Variants in SZT2 observed in about 807,000 individuals in gnomAD.
SZT2 encodes KICSTOR complex protein SZT2.
A neutral mutation model predicts 404.2 loss-of-function variants in SZT2; 216 were observed. That is an observed-to-expected ratio of 0.53 (90% confidence interval 0.48 to 0.60). SZT2 has a LOEUF of 0.60. Among genes scored for constraint, SZT2 ranks in the 20% least tolerant of loss-of-function variants. The pLI, the probability that SZT2 is intolerant of heterozygous loss-of-function variation, is 0.00. For synonymous variants in SZT2, 1,693 were observed against 1,749.9 expected (o/e 0.97, Z 0.81); for missense variants, 3,857 against 4,459.2 (o/e 0.86, Z 3.85).
At position 43,447,683 on chromosome 1, in the gene SZT2, T is replaced by G. The variant is rs1019903168; in HGVS notation, c.9425T>G (p.Val3142Gly). Reference sequence around the variant, plus strand: ...CCAGAACACAACGAGTATGCCCTGGTGTCGGCATGGCACAGGTAAGGCTGA... The same window carrying G: ...CCAGAACACAACGAGTATGCCCTGGGGTCGGCATGGCACAGGTAAGGCTGA... The part of the protein sequence containing the change: ...GGPEHNEYAL[V>G]SAWHSSGSYL... Residue 3142 changes from valine to glycine, a missense_variant, in exon 67 of 72, where the codon GTG becomes GGG. Val to Gly is a moderately radical substitution (Grantham distance 109). Around this residue, in one of 7 missense-constraint regions of SZT2, gnomAD observed 717 missense variants for 868.2 expected, o/e 0.83. Transcript: ENST00000634258. The G allele has an allele frequency of 2.4e-5, 39 of 1,613,944 alleles. No individual in the cohort carries two copies. The highest frequency in any genetic ancestry group is 3.3e-5 in the Non-Finnish European group (39 of 1,180,002).
intron 67 of SZT2, 40 bp from the exon 68 acceptor site, chr1:43,447,809 G>C: frequency 6.2e-7 from 1 of 1,612,720 alleles, no homozygotes; most frequent in Non-Finnish European, 8.5e-7. Context: ...TGTTTTATTA[G>C]AACCCCAGAG....
Position 43,424,314 on chromosome 1 carries a change from A to T in SZT2, c.2353A>T (p.Ser785Cys), listed in dbSNP as rs754599484. The stretch of plus-strand genomic sequence containing the variant: ...GGTGTCAGGCCGCTCAGCCTCTTCT[A>T]GCCTGGCGTCACTGTCCCGCTACCT... ...PLVSGRSASS[S>C]LASLSRYLYH... Residue 785 changes from serine to cysteine, a missense_variant, in exon 16 of 72, where the codon AGC (serine) becomes TGC (cysteine). Around this residue, in one of 7 missense-constraint regions of SZT2, gnomAD observed 1,725 missense variants for 1,881.0 expected, o/e 0.92. Coordinates refer to ENST00000634258, the MANE Select transcript of SZT2 (RefSeq NM_001365999.1). The surrounding 1 kb of genome is among the most constrained non-coding windows in gnomAD (Gnocchi z 4.1). 2 of 1,598,030 alleles carry T rather than the reference A, an allele frequency of 1.3e-6. No homozygotes were observed. The highest frequency in any genetic ancestry group is 4.5e-5 in the East Asian group (2 of 44,882).
In SZT2 at chr1:43,419,718, T is replaced by C. The variant is rs1486378188; in HGVS notation, c.880-16T>C. The C allele has an allele frequency of 6.3e-7, 1 of 1,593,036 alleles. No individual in the cohort carries two copies. Among genetic ancestry groups the C allele is most frequent in the Non-Finnish European group, 8.5e-7 (1 of 1,176,556 alleles). On this transcript the variant is annotated splice_polypyrimidine_tract_variant and intron_variant, in intron 7 of 71. Transcript: ENST00000634258. ...CCTCTGTCAGAGCTAGGTCTTCAGT[T>C]GCTCACTTTTTCCAGGTGGGAGGAG...
In SZT2 at chr1:43,448,155, A is replaced by G; in HGVS notation, c.9640A>G (p.Lys3214Glu). The G allele has an allele frequency of 6.2e-7, 1 of 1,610,740 alleles. No homozygotes were observed. Among genetic ancestry groups the G allele is most frequent in the Non-Finnish European group, 8.5e-7 (1 of 1,177,884 alleles). The change falls in exon 69 of 72, where the codon AAG (lysine) becomes GAG (glutamate). Residue 3214 changes from lysine to glutamate, a missense_variant. Lys to Glu is a moderately conservative substitution (Grantham distance 56). Around this residue, in one of 7 missense-constraint regions of SZT2, gnomAD observed 717 missense variants for 868.2 expected, o/e 0.83. Transcript: ENST00000634258. This position sits in a 1 kb window ranked among gnomAD's most constrained non-coding sequence, Gnocchi z 4.2. The part of the protein sequence containing the change: ...RLTADMRRFR[K>E]PPRLPPEPEA... The stretch of plus-strand genomic sequence containing the variant: ...CACTGCTGACATGCGCCGCTTCCGG[A>G]AGCCACCCAGACTGCCCCCTGAGCC...
intron 36 of SZT2, 28 bp downstream of exon 36, chr1:43,431,929 T>C (rs1363845029): frequency 6.2e-7 from 1 of 1,612,456 alleles, no homozygotes; most frequent in African/African-American, 1.3e-5. Context: ...CACTGCAGGG[T>C]CACCTTGGGG....
At chr1:43,430,413 TGG>T (rs747308055) in intron 31 of SZT2, 24 bp downstream of exon 31, 78 of 1,603,620 alleles carry the variant, frequency 4.9e-5, no homozygotes, top group Non-Finnish European at 6.0e-5. Flanking sequence ...TGAGTCAAGG[TGG>T]GGAAGGCTGG....
rs775891048 is a variant in SZT2 at position 43,422,075 on chromosome 1, G to A, written c.1627-8G>A. The A allele has an allele frequency of 6.9e-6, 11 of 1,592,638 alleles. No individual in the cohort carries two copies. The South Asian group carries it at 1.2e-4, about 18-fold the overall frequency. On this transcript the variant is annotated splice_polypyrimidine_tract_variant and splice_region_variant and intron_variant, in intron 11 of 71. Transcript: ENST00000634258. Reference sequence around the variant, plus strand: ...ATGCTCCTATAGTGCTGTCCTTCCTGTCCTCAGGTGCTCTCCCTCCAGCCC... The same window carrying A: ...ATGCTCCTATAGTGCTGTCCTTCCTATCCTCAGGTGCTCTCCCTCCAGCCC...
intron 4 of SZT2, among the ~76,000 whole-genome samples, chr1:43,407,240 A>G (rs1171129015): frequency 1.3e-5 from 2 of 152,188 alleles, no homozygotes; most frequent in South Asian, 2.1e-4. Flanking sequence ...GCAGTGGCTC[A>G]TGCCTGTAAT....
rs542347666 is a variant in SZT2, at chr1:43,447,468, C to G, written c.9287-77C>G. 253 of 1,552,918 alleles carry G rather than the reference C, an allele frequency of 1.6e-4. 4 individuals are homozygous for G. In the South Asian group the frequency reaches 2.9e-3, roughly 18 times the overall value. On this transcript the variant is annotated intron_variant, in intron 66 of 71. Transcript: ENST00000634258. ...CCTGCCAGTCAGAGCCTTAAAGACTCCCATCCCTGTGCCCCACCAGACCAG... is the reference window on the plus strand; with the variant it reads ...CCTGCCAGTCAGAGCCTTAAAGACTGCCATCCCTGTGCCCCACCAGACCAG...
rs749144612 is a variant in SZT2 at position 43,447,588 on chromosome 1, A to G, written c.9330A>G (p.Leu3110=). Residue 3110 remains leucine, a synonymous_variant, in exon 67 of 72, where the codon CTA becomes CTG. Transcript: ENST00000634258. Reference sequence around the variant, plus strand: ...CACCACTCATTGCTGCCCACCAGCTATACAACTACGTGGCTGATCACGCCA... The same window carrying G: ...CACCACTCATTGCTGCCCACCAGCTGTACAACTACGTGGCTGATCACGCCA... ...LPTPLIAAHQ[L]YNYVADHASS... 14 of 1,614,032 alleles carry G rather than the reference A, an allele frequency of 8.7e-6. No individual in the cohort carries two copies. The South Asian group carries it at 1.1e-4, about 13-fold the overall frequency.
chr1:43,424,375 G>A lies in SZT2; in HGVS notation c.2414G>A (p.Gly805Glu). Reference protein sequence around the residue: ...HQRWLWSVPSGLAPALPLSAI... With the variant: ...HQRWLWSVPSELAPALPLSAI... The stretch of plus-strand genomic sequence containing the variant: ...CGCTGGCTTTGGAGTGTCCCGTCAG[G>A]ACTGGCCCCTGCGCTGCCTCTCAGT... The change falls in exon 16 of 72, where the codon GGA (glycine) becomes GAA (glutamate). Residue 805 changes from glycine to glutamate, a missense_variant. Gly to Glu is a moderately conservative substitution (Grantham distance 98). Around this residue, in one of 7 missense-constraint regions of SZT2, gnomAD observed 1,725 missense variants for 1,881.0 expected, o/e 0.92. Transcript: ENST00000634258. This position sits in a 1 kb window ranked among gnomAD's most constrained non-coding sequence, Gnocchi z 4.1. The A allele has an allele frequency of 1.9e-6, 3 of 1,598,086 alleles. No homozygotes were observed. Among genetic ancestry groups the A allele is most frequent in the Non-Finnish European group, 2.5e-6 (3 of 1,179,628 alleles).
At chr1:43,417,038 G>A (rs568343934) in intron 7 of SZT2, among the ~76,000 whole-genome samples, 2 of 152,280 alleles carry the variant, frequency 1.3e-5, no homozygotes, top group Non-Finnish European at 2.9e-5. Flanking sequence ...AGGGAAGGAG[G>A]TAAAAAGCTA....
In SZT2 at chr1:43,450,015, G is replaced by T. The variant is rs911677276; in HGVS notation, c.10087-88G>T. 17 of 1,503,456 alleles carry T rather than the reference G, an allele frequency of 1.1e-5. No individual in the cohort carries two copies. The highest frequency in any genetic ancestry group is 1.7e-5 in the Admixed American group (1 of 59,244). The allele number at this position is 1,503,456 out of a possible 1,614,324, so 93.1% of individuals were successfully genotyped here. A position where few individuals can be genotyped will look rare whatever the true frequency, so the allele number is the denominator to read the frequency against. ...GGCGGGGTGAGGTGTGGAGATGGAA[G>T]TAGGCCTCTCCTCATCCTCCCTTCA... On this transcript the variant is annotated intron_variant, in intron 70 of 71. Coordinates refer to ENST00000634258, the MANE Select transcript of SZT2 (RefSeq NM_001365999.1). This position sits in a 1 kb window ranked among gnomAD's most constrained non-coding sequence, Gnocchi z 4.3.
chr1:43,439,140 C>G lies in SZT2; in HGVS notation c.6792+47C>G. ...TCCACACTCATGTGCACCCCTGCCC[C>G]CTGCCCCACGCACTTACTCTTTCCT... On this transcript the variant is annotated intron_variant, in intron 48 of 71. Transcript: ENST00000634258. This position sits in a 1 kb window ranked among gnomAD's most constrained non-coding sequence, Gnocchi z 4.2. 6.2e-7 allele frequency: 1 copy of G among 1,611,298 alleles called. No individual in the cohort carries two copies. The highest frequency in any genetic ancestry group is 8.5e-7 in the Non-Finnish European group (1 of 1,178,220).
chr1:43,426,364 G>T lies in SZT2; in HGVS notation c.3044-4G>T, dbSNP rs770208960. ...TGGTGCTGAGCAGAGTGTGTGTCGG[G>T]CAGAGCCAGAGGGTGTCCCTTTCGC... On this transcript the variant is annotated splice_region_variant and splice_polypyrimidine_tract_variant and intron_variant, in intron 21 of 71. Coordinates refer to ENST00000634258, the MANE Select transcript of SZT2 (RefSeq NM_001365999.1). This position sits in a 1 kb window ranked among gnomAD's most constrained non-coding sequence, Gnocchi z 4.9. 3.4e-5 allele frequency: 52 copies of T among 1,541,512 alleles called. No homozygotes were observed. The highest frequency in any genetic ancestry group is 4.3e-5 in the Non-Finnish European group (49 of 1,146,808).
chr1:43,401,705 C>T (rs911702926), intron 1 of SZT2, among the ~76,000 whole-genome samples: 15 of 152,032 alleles, frequency 9.9e-5, no homozygotes, highest in Non-Finnish European at 2.9e-5. Flanking sequence ...AGGCTGGTCT[C>T]GAACTCCTGA....
rs770452356 is a variant in SZT2, at chr1:43,425,639, A to G, written c.2811A>G (p.Gln937=). Residue 937 remains glutamine (Q), a synonymous_variant, in exon 19 of 72, where the codon CAA becomes CAG. Coordinates refer to ENST00000634258, the MANE Select transcript of SZT2 (RefSeq NM_001365999.1). This position sits in a 1 kb window ranked among gnomAD's most constrained non-coding sequence, Gnocchi z 4.3. Reference sequence around the variant, plus strand: ...ACCTGACGTATTCTGAGATCCCGCAAGCTGTGAGTGTCCTCAGAACAGTAC... The same window carrying G: ...ACCTGACGTATTCTGAGATCCCGCAGGCTGTGAGTGTCCTCAGAACAGTAC... ...LQDLTYSEIP[Q]ALHPRDAACI... 1.2e-6 allele frequency: 2 copies of G among 1,613,708 alleles called. No homozygotes were observed. Among genetic ancestry groups the G allele is most frequent in the African/African-American group, 2.7e-5 (2 of 74,902 alleles).
chr1:43,421,329 C>G, intron 11 of SZT2, 26 bp downstream of exon 11: 1 of 1,595,668 alleles, frequency 6.3e-7, no homozygotes, highest in East Asian at 2.2e-5. Flanking sequence ...GTATAGTAGC[C>G]CCATTTCATG....
chr1:43,413,355 CT>C (rs1272300656), intron 4 of SZT2, among the ~76,000 whole-genome samples: 1 of 152,180 alleles, frequency 6.6e-6, no homozygotes, highest in Admixed American at 6.5e-5. Context: ...GCACTCCAGC[CT>C]GGGTGACAGA....
Sources: gnomAD v4.1 joint callset for allele counts (sites outside exome capture counted in the v4.1 genomes callset) on GRCh38, gnomAD v4.1.1 for gene constraint, gnomAD v4.1.1 regional missense constraint, Gnocchi (gnomAD v3.1) non-coding constraint, MANE v1.5 for transcripts, NCBI Gene and HGNC (gene_info 2026-07-23, HGNC 2026-07-21) for gene names.